The following BICC1 variants were observed in gnomAD, a reference collection of about 807,000 sequenced individuals.
BICC1 encodes the protein protein bicaudal C homolog 1.
A neutral mutation model predicts 111.0 loss-of-function variants in BICC1; 43 were observed. The ratio of observed to expected loss-of-function variants is 0.39; its 90% CI spans 0.30 to 0.50. The LOEUF is 0.50. Among genes scored for constraint, BICC1 ranks in the 20% least tolerant of loss-of-function variants. BICC1 has a pLI of 0.88. For missense variants in BICC1, 1,091 were observed against 1,203.2 expected (o/e 0.91, Z 1.38); for synonymous variants, 467 against 434.4 (o/e 1.07, Z -0.93).
intron 2 of BICC1, among the ~76,000 whole-genome samples, chr10:58,695,367 A>G (rs936316860): frequency 6.6e-5 from 10 of 152,192 alleles, no homozygotes; most frequent in Non-Finnish European, 1.3e-4. Flanking sequence ...AACTTTAAAC[A>G]GCCTCCTCCA....
chr10:58,830,604 A>C lies in BICC1; in HGVS notation c.*1713A>C, dbSNP rs923989157. The C allele has an allele frequency of 6.6e-6, 1 of 152,198 alleles. No homozygotes were observed. Among genetic ancestry groups the C allele is most frequent in the Non-Finnish European group, 1.5e-5 (1 of 68,016 alleles). The allele number at this position is 152,198 out of a possible 1,614,324, so 9.4% of individuals were successfully genotyped here. On this transcript the variant is annotated 3_prime_UTR_variant, in exon 21 of 21. Coordinates refer to ENST00000373886, the MANE Select transcript of BICC1 (RefSeq NM_001080512.3). ...AATTGAAGAGGCATTTTGCACACAG[A>C]AACATTCTCACTTTAAAAAATGGTA...
chr10:58,795,078 A>G (rs867543782), intron 9 of BICC1, among the ~76,000 whole-genome samples: 8 of 152,232 alleles, frequency 5.3e-5, no homozygotes, highest in African/African-American at 7.2e-5. Flanking sequence ...GGCAATAGAA[A>G]GGAAAATGGA....
intron 1 of BICC1, among the ~76,000 whole-genome samples, chr10:58,537,667 A>C (rs1329596967): frequency 2.0e-5 from 3 of 151,900 alleles, no homozygotes; most frequent in African/African-American, 7.2e-5. Context: ...AGGGCATCCA[A>C]ACTGGAAAAG....
Position 58,618,179 on chromosome 10 carries a change from A to G in BICC1, c.191-2676A>G, listed in dbSNP as rs141521471. On this transcript the variant is annotated intron_variant, in intron 1 of 20. Transcript: ENST00000373886. ...GGCCTGGCTTGCATGCCCAGAGGCT[A>G]TGTATGAGGCCTGTGTGTTGGAGCT... Among the ~76,000 whole-genome samples the G allele has an allele frequency of 3.0e-4, 45 of 152,188 alleles. 1 individual carries two copies. Among genetic ancestry groups the G allele is most frequent in the African/African-American group, 1.1e-3 (45 of 41,508 alleles).
chr10:58,727,504 T>C (rs1371556189), intron 3 of BICC1, among the ~76,000 whole-genome samples: 3 of 152,044 alleles, frequency 2.0e-5, no homozygotes, highest in African/African-American at 7.2e-5. Flanking sequence ...GGGGAATCAC[T>C]TAAGCTCGGG....
Position 58,614,732 on chromosome 10 carries a change from G to A in BICC1, c.191-6123G>A, listed in dbSNP as rs548014090. On this transcript the variant is annotated intron_variant, in intron 1 of 20. Transcript: ENST00000373886. The stretch of plus-strand genomic sequence containing the variant: ...TTGGAATGAAGGGGCATGACAAAGT[G>A]TGATGTAATGAGTTTGTCTTGAGCA... 2.0e-5 allele frequency among the ~76,000 whole-genome samples: 3 copies of A among 152,268 alleles called. No homozygotes were observed. The South Asian group carries it at 6.2e-4, about 32-fold the overall frequency.
chr10:58,513,230 C>G lies in BICC1; in HGVS notation c.87C>G (p.Pro29=), dbSNP rs1213243217. 1 of 1,612,624 alleles carries G rather than the reference C, an allele frequency of 6.2e-7. No homozygotes were observed. The highest frequency in any genetic ancestry group is 8.5e-7 in the Non-Finnish European group (1 of 1,179,580). The stretch of plus-strand genomic sequence containing the variant: ...AGCGCAGCACCGACTCCCCAGTGCC[C>G]GGCTCCGAGGACGACTTGGTCGCCG... ...NSERSTDSPV[P]GSEDDLVAGA... The change falls in exon 1 of 21, where the codon CCC becomes CCG. Residue 29 remains proline (P), a synonymous_variant. Coordinates refer to ENST00000373886, the MANE Select transcript of BICC1 (RefSeq NM_001080512.3).
At chr10:58,648,346 A>G (rs749039666) in intron 2 of BICC1, among the ~76,000 whole-genome samples, 1 of 152,168 alleles carries the variant, frequency 6.6e-6, no homozygotes, top group Non-Finnish European at 1.5e-5. Context: ...TCACCCTTGT[A>G]CTGATCCTTC....
At position 58,789,835 on chromosome 10, in the gene BICC1, C is replaced by G. The variant is rs1843123116; in HGVS notation, c.949C>G (p.Gln317Glu). ...ACATATCATGCAGAGAACAGGTGCT[C>G]AGATCCACTTTCCTGATCCCAGTAA... ...IKHIMQRTGA[Q>E]IHFPDPSNPQ... Residue 317 changes from glutamine to glutamate, a missense_variant, in exon 8 of 21, where the codon CAG becomes GAG. By Grantham distance (29) the Gln-to-Glu change is conservative. Coordinates refer to ENST00000373886, the MANE Select transcript of BICC1 (RefSeq NM_001080512.3). The G allele has an allele frequency of 6.2e-7, 1 of 1,614,164 alleles. No homozygotes were observed. The highest frequency in any genetic ancestry group is 8.5e-7 in the Non-Finnish European group (1 of 1,180,030).
chr10:58,667,148 T>G (rs1839039089), intron 2 of BICC1, among the ~76,000 whole-genome samples: 1 of 152,140 alleles, frequency 6.6e-6, no homozygotes, highest in African/African-American at 2.4e-5. Context: ...AATTACTGTG[T>G]GTTTGTACCT....
chr10:58,698,864 G>A (rs533439757), intron 2 of BICC1, among the ~76,000 whole-genome samples: 278 of 152,306 alleles, frequency 1.8e-3, no homozygotes, highest in Non-Finnish European at 2.2e-3. Context: ...GCTCAACACA[G>A]CACCCCTAGA....
At chr10:58,554,438 C>G (rs1348026842) in intron 1 of BICC1, among the ~76,000 whole-genome samples, 1 of 152,044 alleles carries the variant, frequency 6.6e-6, no homozygotes, top group African/African-American at 2.4e-5. Context: ...TATAAAGAGC[C>G]TACAATATAT....
Position 58,789,855 on chromosome 10 carries a change from C to T in BICC1, c.969C>T (p.Pro323=), listed in dbSNP as rs753432785. The change falls in exon 8 of 21, where the codon CCC becomes CCT. Residue 323 remains proline, a synonymous_variant. Transcript: ENST00000373886. ...RTGAQIHFPD[P]SNPQKKSTVY... ...GTGCTCAGATCCACTTTCCTGATCC[C>T]AGTAATCCACAAAAGAAATCTACCG... 10 of 1,614,116 alleles carry T rather than the reference C, an allele frequency of 6.2e-6. No individual in the cohort carries two copies. The highest frequency in any genetic ancestry group is 7.6e-6 in the Non-Finnish European group (9 of 1,180,012).
chr10:58,809,853 A>T (rs1280015233), intron 17 of BICC1, among the ~76,000 whole-genome samples: 2 of 152,202 alleles, frequency 1.3e-5, no homozygotes, highest in Admixed American at 6.5e-5. Flanking sequence ...TAAGTGTCTT[A>T]CTCAAGGTTA....
chr10:58,559,288 G>A (rs1051387124), intron 1 of BICC1, among the ~76,000 whole-genome samples: 1 of 151,212 alleles, frequency 6.6e-6, no homozygotes, highest in Non-Finnish European at 1.5e-5. Context: ...CTGAAAAATG[G>A]TAGCATGCTT....
At chr10:58,577,163 A>ACATG (rs546399587) in intron 1 of BICC1, among the ~76,000 whole-genome samples, 123 of 152,292 alleles carry the variant, frequency 8.1e-4, no homozygotes, top group African/African-American at 2.8e-3. Flanking sequence ...CTTACCATTC[A>ACATG]GTGGGTGCCT....
At chr10:58,677,148 C>G (rs890357008) in intron 2 of BICC1, among the ~76,000 whole-genome samples, 1 of 152,186 alleles carries the variant, frequency 6.6e-6, no homozygotes, top group African/African-American at 2.4e-5. Context: ...TCTTCTCCTC[C>G]AAAGGAGCAC....
At chr10:58,641,406 G>GTTTT (rs991794711) in intron 2 of BICC1, among the ~76,000 whole-genome samples, 2 of 151,834 alleles carry the variant, frequency 1.3e-5, no homozygotes, top group African/African-American at 4.8e-5. Context: ...AGAGGCAGAT[G>GTTTT]TTTGTCTTCC....
chr10:58,599,929 GGTGTGT>G (rs59937252), intron 1 of BICC1, among the ~76,000 whole-genome samples: 3 of 149,782 alleles, frequency 2.0e-5, no homozygotes, highest in East Asian at 2.0e-4. Context: ...AACTAAAGAG[GGTGTGT>G]GTGTGTGTGT....
Sources: gnomAD v4.1 joint callset for allele counts (sites outside exome capture counted in the v4.1 genomes callset) on GRCh38, gnomAD v4.1.1 for gene constraint, MANE v1.5 for transcripts, NCBI Gene and HGNC (gene_info 2026-07-23, HGNC 2026-07-21) for gene names.